KBTBD12: variants seen among roughly 807,000 people sequenced by gnomAD.
The protein encoded by KBTBD12 is kelch repeat and BTB domain containing 12, also known as kelch repeat and BTB domain-containing protein 12.
A neutral mutation model predicts 58.7 loss-of-function variants in KBTBD12; 53 were observed. That is an observed-to-expected ratio of 0.90 (90% CI 0.72 to 1.14). The LOEUF is 1.14. Ranked by LOEUF, KBTBD12 falls within the 50% of genes most tolerant of loss-of-function variation. The pLI, the probability that KBTBD12 is intolerant of heterozygous loss-of-function variation, is 0.00. For synonymous variants in KBTBD12, 236 were observed against 259.8 expected, an observed-to-expected ratio of 0.91 and a Z score of 0.88; for missense variants, 704 against 751.3, an observed-to-expected ratio of 0.94 and a Z score of 0.74.
intron 4 of KBTBD12, among the ~76,000 whole-genome samples, chr3:127,961,261 C>T (rs1479713463): frequency 1.3e-5 from 2 of 152,208 alleles, no homozygotes; most frequent in African/African-American, 4.8e-5. Flanking sequence ...TGAGAAAGCT[C>T]TCGCTACCAC....
intron 4 of KBTBD12, among the ~76,000 whole-genome samples, chr3:127,956,602 A>C (rs752137430): frequency 1.1e-4 from 16 of 152,214 alleles, no homozygotes; most frequent in Admixed American, 3.9e-4. Flanking sequence ...AATGTTTAGA[A>C]GCTTCTACAG....
In KBTBD12 at chr3:127,924,034, A is replaced by C. The variant is rs376450459; in HGVS notation, c.973A>C (p.Thr325Pro). 170 of 1,613,674 alleles carry C rather than the reference A, an allele frequency of 1.1e-4. No homozygotes were observed. Among genetic ancestry groups the C allele is most frequent in the Non-Finnish European group, 1.3e-4 (150 of 1,179,710 alleles). ...KYGEGLGTVC[T>P]GVVMENNTII... ...CGGAGAGGGTTTAGGAACTGTGTGT[A>C]CTGGTGTTGTCATGGAAAATAATAC... is the stretch of plus-strand genomic sequence containing the variant. Residue 325 changes from threonine to proline, a missense_variant, in exon 2 of 6, where the codon ACT (threonine) becomes CCT (proline). Transcript: ENST00000405109.
At chr3:127,966,864 A>T (rs894069042) in intron 5 of KBTBD12, among the ~76,000 whole-genome samples, 1 of 152,234 alleles carries the variant, frequency 6.6e-6, no homozygotes, top group African/African-American at 2.4e-5. Flanking sequence ...TCCTAAAGAG[A>T]AAAAACAATA....
intron 5 of KBTBD12, 98 bp downstream of exon 5, chr3:127,963,484 G>A: frequency 8.7e-7 from 1 of 1,152,972 alleles, no homozygotes; most frequent in Non-Finnish European, 1.2e-6. Flanking sequence ...AGAGCAACGT[G>A]AGCACTGCAA....
chr3:127,981,570 C>T (rs1377593918), intron 5 of KBTBD12, among the ~76,000 whole-genome samples: 1 of 152,148 alleles, frequency 6.6e-6, no homozygotes, highest in East Asian at 1.9e-4. Context: ...ATTCTGTAAT[C>T]CAGTGTCCTG....
intron 4 of KBTBD12, among the ~76,000 whole-genome samples, chr3:127,933,379 A>G (rs2107594950): frequency 6.6e-6 from 1 of 152,172 alleles, no homozygotes; most frequent in African/African-American, 2.4e-5. Flanking sequence ...GAAAAACCAC[A>G]CTCACAGTGG....
At chr3:127,931,995 T>A (rs1304529919) in intron 4 of KBTBD12, among the ~76,000 whole-genome samples, 1 of 152,010 alleles carries the variant, frequency 6.6e-6, no homozygotes, top group Non-Finnish European at 1.5e-5. Context: ...GAAATACTAG[T>A]GAACAGTAAG....
At chr3:127,977,072 T>C (rs1940796677) in intron 5 of KBTBD12, among the ~76,000 whole-genome samples, 2 of 152,224 alleles carry the variant, frequency 1.3e-5, no homozygotes, top group South Asian at 4.1e-4. Flanking sequence ...TAGCTCCCAC[T>C]TATAAGTGAG....
intron 4 of KBTBD12, among the ~76,000 whole-genome samples, chr3:127,961,265 C>T (rs1251166410): frequency 6.6e-6 from 1 of 152,218 alleles, no homozygotes; most frequent in African/African-American, 2.4e-5. Flanking sequence ...AAAGCTCTCG[C>T]TACCACAGTG....
At chr3:127,975,969 G>T (rs1438052759) in intron 5 of KBTBD12, among the ~76,000 whole-genome samples, 1 of 152,138 alleles carries the variant, frequency 6.6e-6, no homozygotes, top group Non-Finnish European at 1.5e-5. Flanking sequence ...TTACAAAAAA[G>T]AAAATGGTAT....
At chr3:127,971,445 T>C (rs923407110) in intron 5 of KBTBD12, among the ~76,000 whole-genome samples, 2 of 152,336 alleles carry the variant, frequency 1.3e-5, no homozygotes, top group East Asian at 1.9e-4. Context: ...TTCTCCCTGC[T>C]GACAAAGCCC....
At chr3:127,970,572 G>A (rs1387064800) in intron 5 of KBTBD12, among the ~76,000 whole-genome samples, 2 of 152,192 alleles carry the variant, frequency 1.3e-5, no homozygotes, top group Non-Finnish European at 2.9e-5. Flanking sequence ...GTAAAATACT[G>A]TCTATTTAAG....
At chr3:127,981,670 G>A (rs1211188061) in intron 5 of KBTBD12, among the ~76,000 whole-genome samples, 2 of 152,152 alleles carry the variant, frequency 1.3e-5, no homozygotes, top group African/African-American at 4.8e-5. Flanking sequence ...GGCCAGCCAC[G>A]GTGGCTCACA....
intron 5 of KBTBD12, among the ~76,000 whole-genome samples, chr3:127,973,648 G>C (rs945877327): frequency 6.6e-6 from 1 of 151,706 alleles, no homozygotes; most frequent in African/African-American, 2.4e-5. Context: ...GAAAAAAAAA[G>C]TGTGTGTGTG....
At chr3:127,983,337 G>A (rs1252418159) in intron 5 of KBTBD12, among the ~76,000 whole-genome samples, 1 of 152,194 alleles carries the variant, frequency 6.6e-6, no homozygotes, top group Non-Finnish European at 1.5e-5. Context: ...TAGCGGTGCT[G>A]GAGGTGGGGC....
At chr3:127,961,335 C>T (rs772248815) in intron 4 of KBTBD12, among the ~76,000 whole-genome samples, 1 of 152,166 alleles carries the variant, frequency 6.6e-6, no homozygotes, top group African/African-American at 2.4e-5. Flanking sequence ...GCCAGTGTGT[C>T]CCCTCCTTGG....
In KBTBD12 at chr3:127,941,402, T is replaced by C. The variant is rs192109300; in HGVS notation, c.1492+11119T>C. Among the ~76,000 whole-genome samples, 782 of 152,290 alleles carry C rather than the reference T, an allele frequency of 5.1e-3. 4 individuals carry two copies. Among genetic ancestry groups the C allele is most frequent in the Non-Finnish European group, 7.1e-3 (483 of 68,026 alleles). On this transcript the variant is annotated intron_variant, in intron 4 of 5. Transcript: ENST00000405109. The stretch of plus-strand genomic sequence containing the variant: ...AATCAATCAATATGATCTACCATAT[T>C]ATAGTCTGCAGAAGAAAAGCCACAT...
chr3:127,915,361 G>C lies in KBTBD12; in HGVS notation c.-338G>C, dbSNP rs1939201524. The C allele has an allele frequency of 6.6e-6, 1 of 152,572 alleles. No homozygotes were observed. The highest frequency in any genetic ancestry group is 1.5e-5 in the Non-Finnish European group (1 of 68,320). 9.5% of individuals were successfully genotyped at this position (152,572 alleles called of 1,614,324 possible). A position where few individuals can be genotyped will look rare whatever the true frequency, so the allele number is the denominator to read the frequency against. ...GGAGGGCAGCGGCGGCGTGGTCTCGGGCCACTTCCAAGCAGAGGGCAGCAC... is the reference window on the plus strand; with the variant it reads ...GGAGGGCAGCGGCGGCGTGGTCTCGCGCCACTTCCAAGCAGAGGGCAGCAC... On this transcript the variant is annotated 5_prime_UTR_variant, in exon 1 of 6. Transcript: ENST00000405109.
intron 4 of KBTBD12, among the ~76,000 whole-genome samples, chr3:127,943,824 A>C (rs1051581212): frequency 6.6e-6 from 1 of 152,122 alleles, no homozygotes; most frequent in Non-Finnish European, 1.5e-5. Flanking sequence ...TTCAGGTCTT[A>C]TGTTTAAGTC....
Sources: allele counts gnomAD v4.1 joint callset (sites outside exome capture counted in the v4.1 genomes callset), GRCh38; gene constraint gnomAD v4.1.1; transcripts MANE v1.5; gene names NCBI Gene and HGNC (gene_info 2026-07-23, HGNC 2026-07-21).